The following DGKA variants were observed in gnomAD, a reference collection of about 807,000 sequenced individuals.
DGKA encodes diacylglycerol kinase alpha.
In DGKA, 35 loss-of-function variants were observed where a neutral mutation model predicts 105.0. The ratio of observed to expected loss-of-function variants is 0.33; its 90% CI spans 0.25 to 0.44. The LOEUF is 0.44. DGKA is among the 20% of genes least tolerant of loss of function. The probability of loss-of-function intolerance (pLI) is 1.00; values close to 1 mark genes in which losing one functional copy is unlikely to be tolerated. For synonymous variants in DGKA, 296 were observed against 332.0 expected (o/e 0.89, Z 1.18); for missense variants, 665 against 915.0 (o/e 0.73, Z 3.53).
intron 3 of DGKA, 55 bp from the exon 4 acceptor site, chr12:55,937,353 C>T: frequency 2.5e-6 from 4 of 1,587,454 alleles, no homozygotes; most frequent in Non-Finnish European, 3.4e-6. Flanking sequence ...CCCAATTCTT[C>T]AGCCCCAGCT....
chr12:55,953,756 C>T lies in DGKA; in HGVS notation c.2196C>T (p.Gly732=). The part of the protein sequence containing the change: ...GPPPRSTNFF[G]FLS ...CCCCCCGCTCCACCAATTTCTTTGGCTTCTTGAGCTAAGGGGGACACCCTT... is the reference window on the plus strand; with the variant it reads ...CCCCCCGCTCCACCAATTTCTTTGGTTTCTTGAGCTAAGGGGGACACCCTT... Residue 732 remains glycine (G), a synonymous_variant, in exon 24 of 24, where the codon GGC becomes GGT. Coordinates refer to ENST00000331886, the MANE Select transcript of DGKA (RefSeq NM_001345.5). The T allele has an allele frequency of 6.2e-7, 1 of 1,614,154 alleles. No individual in the cohort carries two copies. The highest frequency in any genetic ancestry group is 8.5e-7 in the Non-Finnish European group (1 of 1,180,002).
At position 55,937,404 on chromosome 12, in the gene DGKA, A is replaced by G. The variant is rs1884981277; in HGVS notation, c.139-4A>G. On this transcript the variant is annotated splice_polypyrimidine_tract_variant and splice_region_variant and intron_variant, in intron 3 of 23. Transcript: ENST00000331886. ...CCCCAGGATAATGCTCACTCTCATT[A>G]TAGGCCATTGGGTACGAGGGATTCC... 2 of 1,613,582 alleles carry G rather than the reference A, an allele frequency of 1.2e-6. No individual in the cohort carries two copies. Among genetic ancestry groups the G allele is most frequent in the East Asian group, 4.5e-5 (2 of 44,884 alleles).
intron 1 of DGKA, chr12:55,935,998 G>GA: frequency 1.0e-6 from 1 of 989,338 alleles, no homozygotes; most frequent in African/African-American, 1.7e-5. Flanking sequence ...CGGAACTGCC[G>GA]AAGACCCGAG....
At chr12:55,936,845 G>A (rs1359508420) in intron 2 of DGKA, 172 bp from the exon 3 acceptor site, 2 of 809,762 alleles carry the variant, frequency 2.5e-6, no homozygotes, top group Admixed American at 3.8e-5. Context: ...CAGAGAAGAG[G>A]AGTAAAGAGT....
chr12:55,938,091 A>C (rs775952958), intron 5 of DGKA, 39 bp downstream of exon 5: 2 of 1,547,486 alleles, frequency 1.3e-6, no homozygotes, highest in South Asian at 2.2e-5. Context: ...AGGGCAGTGA[A>C]GGGAGAGAGA....
At chr12:55,953,514 C>A in intron 23 of DGKA, 104 bp downstream of exon 23, 1 of 1,374,578 alleles carries the variant, frequency 7.3e-7, no homozygotes, top group Non-Finnish European at 1.0e-6. Flanking sequence ...TGAACTTCCC[C>A]TGCACATCAT....
chr12:55,934,096 T>TGTATACTACTTCTCCAGAAGAA (rs1432033521), intron 1 of DGKA, among the ~76,000 whole-genome samples: 1 of 152,212 alleles, frequency 6.6e-6, no homozygotes, highest in African/African-American at 2.4e-5. Flanking sequence ...TAACTTCTAC[T>TGTATACTACTTCTCCAGAAGAA]GTATACTACT....
chr12:55,939,343 CT>C, intron 8 of DGKA, 38 bp downstream of exon 8: 1 of 1,613,246 alleles, frequency 6.2e-7, no homozygotes. Flanking sequence ...GTAAGACAGC[CT>C]TGGGTTATGC....
rs1888418288 is a variant in DGKA at position 55,952,811 on chromosome 12, T to G, written c.1821T>G (p.Gly607=). ...IAVLNIPSMH[G]GSNLWGDTRR... is the part of the protein sequence containing the mutation. ...TGCTAAACATCCCTAGCATGCATGGTGGCTCCAACCTCTGGGGTGATACCA... is the reference window on the plus strand; with the variant it reads ...TGCTAAACATCCCTAGCATGCATGGGGGCTCCAACCTCTGGGGTGATACCA... The change falls in exon 21 of 24, where the codon GGT becomes GGG. Residue 607 remains glycine, a synonymous_variant. Coordinates refer to ENST00000331886, the MANE Select transcript of DGKA (RefSeq NM_001345.5). This position sits in a 1 kb window ranked among gnomAD's most constrained non-coding sequence, Gnocchi z 5.1. 6.2e-7 allele frequency: 1 copy of G among 1,614,040 alleles called. No homozygotes were observed. The highest frequency in any genetic ancestry group is 1.1e-5 in the South Asian group (1 of 91,086).
At chr12:55,947,243 C>T (rs1887230741) in intron 17 of DGKA, among the ~76,000 whole-genome samples, 1 of 152,136 alleles carries the variant, frequency 6.6e-6, no homozygotes, top group African/African-American at 2.4e-5. Context: ...CCTTGGCCTC[C>T]CAAAGTGCTG....
At chr12:55,941,746 C>T (rs1487013623) in intron 15 of DGKA, among the ~76,000 whole-genome samples, 162 bp downstream of exon 15, 3 of 152,166 alleles carry the variant, frequency 2.0e-5, no homozygotes, top group African/African-American at 7.2e-5. Context: ...CTGGGTATCC[C>T]ATCCTCCGAG....
chr12:55,928,137 C>A, upstream of DGKA: 1 of 248,174 alleles, frequency 4.0e-6, no homozygotes, highest in Non-Finnish European at 7.7e-6. Context: ...TCCTTCAGGG[C>A]TAAGTCCTGT....
rs1431380707 is a variant in DGKA, at chr12:55,932,729, A to G, written c.-82+1385A>G. 2 of 622,434 alleles carry G rather than the reference A, an allele frequency of 3.2e-6. No individual in the cohort carries two copies. The highest frequency in any genetic ancestry group is 1.8e-5 in the South Asian group (1 of 55,966). The allele number at this position is 622,434 out of a possible 1,614,324, so 38.6% of individuals were successfully genotyped here. ...CACACGCACACACACACACACACAC[A>G]CACACACACACAACCCCCTCAGCCA... On this transcript the variant is annotated intron_variant, in intron 1 of 23. Transcript: ENST00000331886. This position sits in a 1 kb window ranked among gnomAD's most constrained non-coding sequence, Gnocchi z 4.3.
chr12:55,952,208 C>T lies in DGKA; in HGVS notation c.1652+109C>T. ...AACAGTGGCACCTCTAGGAGGTCCC[C>T]CCAACCAAAGCCACCCTTGTTCCCC... On this transcript the variant is annotated intron_variant, in intron 19 of 23. Coordinates refer to ENST00000331886, the MANE Select transcript of DGKA (RefSeq NM_001345.5). The surrounding 1 kb of genome is among the most constrained non-coding windows in gnomAD (Gnocchi z 5.1). 4 of 1,536,876 alleles carry T rather than the reference C, an allele frequency of 2.6e-6. No homozygotes were observed. The highest frequency in any genetic ancestry group is 2.7e-6 in the Non-Finnish European group (3 of 1,111,732).
intron 9 of DGKA, 184 bp from the exon 10 acceptor site, chr12:55,939,898 G>T: frequency 1.6e-6 from 1 of 619,178 alleles, no homozygotes; most frequent in Non-Finnish European, 2.9e-6. Flanking sequence ...AGTAGCAGCT[G>T]ATCTTTTAGG....
chr12:55,940,813 C>T lies in DGKA; in HGVS notation c.1018-84C>T. 2 of 1,597,336 alleles carry T rather than the reference C, an allele frequency of 1.3e-6. No homozygotes were observed. The highest frequency in any genetic ancestry group is 1.7e-6 in the Non-Finnish European group (2 of 1,165,204). ...TGGCATTTAGAATAGAGAGCTCATA[C>T]TTTTAGGATTCAAGTCAGACCCCTC... On this transcript the variant is annotated intron_variant, in intron 12 of 23. Transcript: ENST00000331886. The surrounding 1 kb of genome is among the most constrained non-coding windows in gnomAD (Gnocchi z 4.3).
intron 4 of DGKA, 78 bp from the exon 5 acceptor site, chr12:55,937,900 G>A (rs1885087522): frequency 7.9e-7 from 1 of 1,264,238 alleles, no homozygotes; most frequent in South Asian, 1.2e-5. Context: ...AAAAAAGGGA[G>A]AGGTGGGACA....
intron 17 of DGKA, among the ~76,000 whole-genome samples, chr12:55,949,547 A>G (rs1887726224): frequency 6.6e-6 from 1 of 152,224 alleles, no homozygotes; most frequent in African/African-American, 2.4e-5. Flanking sequence ...AAATTTGCCA[A>G]AATGCTTTCC....
chr12:55,951,197 A>G (rs1888075450), intron 17 of DGKA, among the ~76,000 whole-genome samples: 1 of 152,084 alleles, frequency 6.6e-6, no homozygotes, highest in South Asian at 2.1e-4. Context: ...GGGGCTCTCT[A>G]TTCTTTACTA....
Sources: gnomAD v4.1 joint callset for allele counts (sites outside exome capture counted in the v4.1 genomes callset) on GRCh38, gnomAD v4.1.1 for gene constraint, Gnocchi (gnomAD v3.1) non-coding constraint, MANE v1.5 for transcripts, NCBI Gene and HGNC (gene_info 2026-07-23, HGNC 2026-07-21) for gene names.